Variants in HMG20A observed in about 807,000 individuals in gnomAD.
HMG20A encodes the protein high mobility group protein 20A.
A neutral mutation model predicts 43.9 loss-of-function variants in HMG20A; 17 were observed. The ratio of observed to expected loss-of-function variants is 0.39; its 90% confidence interval spans 0.27 to 0.58. HMG20A has a LOEUF of 0.58. Ranked by LOEUF, HMG20A falls within the 20% of genes least tolerant of loss-of-function variation. The pLI, the probability that HMG20A is intolerant of heterozygous loss-of-function variation, is 0.59. For missense variants in HMG20A, 341 were observed against 438.2 expected, an observed-to-expected ratio of 0.78 and a Z score of 1.98; for synonymous variants, 132 against 147.5, an observed-to-expected ratio of 0.89 and a Z score of 0.76.
At chr15:77,497,674 AGAGAGAGAGT>A in the HMG20A span, among the ~76,000 whole-genome samples, 16 of 128,594 alleles carry the variant, frequency 1.2e-4, no homozygotes, top group African/African-American at 3.3e-4. Flanking sequence ...AGAGAGAGAG[AGAGAGAGAGT>A]GTGTGTGTGT....
chr15:77,482,506 T>G (rs971182106), intron 9 of HMG20A: 1 of 152,210 alleles, frequency 6.6e-6, no homozygotes, highest in African/African-American at 2.4e-5. Context: ...AAAAATCTTA[T>G]GTGACTGTAT....
chr15:77,516,988 G>A, the HMG20A span, among the ~76,000 whole-genome samples: 2 of 152,150 alleles, frequency 1.3e-5, no homozygotes, highest in Non-Finnish European at 2.9e-5. Flanking sequence ...TGGCCTCACC[G>A]TCCCGCACAT....
chr15:77,518,547 C>T, the HMG20A span, among the ~76,000 whole-genome samples: 1 of 152,206 alleles, frequency 6.6e-6, no homozygotes, highest in African/African-American at 2.4e-5. Context: ...ACCATCTGTG[C>T]CCCTCCAGAA....
At chr15:77,460,425 G>A (rs2072694814) in intron 2 of HMG20A, among the ~76,000 whole-genome samples, 1 of 152,154 alleles carries the variant, frequency 6.6e-6, no homozygotes, top group Admixed American at 6.5e-5. Context: ...AACTGAACAA[G>A]TGTGGGAGGG....
chr15:77,477,818 A>G (rs2072869995), intron 7 of HMG20A, among the ~76,000 whole-genome samples, 188 bp downstream of exon 7: 2 of 152,220 alleles, frequency 1.3e-5, no homozygotes, highest in African/African-American at 4.8e-5. Flanking sequence ...AAATAAATGC[A>G]AATCACAAAT....
the HMG20A span, among the ~76,000 whole-genome samples, chr15:77,516,670 G>A: frequency 3.9e-5 from 6 of 152,034 alleles, no homozygotes; most frequent in Non-Finnish European, 5.9e-5. Context: ...TGGTGAGAAG[G>A]GCACTGAACT....
At chr15:77,436,772 T>C (rs562381433) in intron 1 of HMG20A, among the ~76,000 whole-genome samples, 7 of 152,288 alleles carry the variant, frequency 4.6e-5, no homozygotes, top group African/African-American at 1.7e-4. Context: ...GATCCATTCT[T>C]ACACATCTAT....
At chr15:77,506,163 ATAAG>A in the HMG20A span, among the ~76,000 whole-genome samples, 39,757 of 151,616 alleles carry the variant, frequency 0.26, 5,762 homozygotes, top group Non-Finnish European at 0.34. Context: ...ATTTTTTAAT[ATAAG>A]TAAGTATGTC....
chr15:77,516,597 C>A, the HMG20A span, among the ~76,000 whole-genome samples: 1 of 152,136 alleles, frequency 6.6e-6, no homozygotes, highest in African/African-American at 2.4e-5. Context: ...CCCCAAAAGA[C>A]AAACAAACCA....
chr15:77,423,261 T>C (rs959888105), intron 1 of HMG20A, among the ~76,000 whole-genome samples: 1 of 152,132 alleles, frequency 6.6e-6, no homozygotes, highest in Non-Finnish European at 1.5e-5. Context: ...ATTCATTGGT[T>C]CCATCAAAGA....
chr15:77,476,231 C>G (rs1352377753), intron 6 of HMG20A, among the ~76,000 whole-genome samples: 1 of 152,068 alleles, frequency 6.6e-6, no homozygotes, highest in East Asian at 1.9e-4. Flanking sequence ...CCTGTAATCC[C>G]AGCACTTTGG....
At chr15:77,447,349 T>C (rs931969135) in intron 1 of HMG20A, among the ~76,000 whole-genome samples, 1 of 152,226 alleles carries the variant, frequency 6.6e-6, no homozygotes, top group African/African-American at 2.4e-5. Flanking sequence ...CCCTGCGTTA[T>C]CACCGTGCTT....
intron 2 of HMG20A, among the ~76,000 whole-genome samples, chr15:77,459,341 T>A (rs1398650121): frequency 1.3e-5 from 2 of 152,222 alleles, no homozygotes; most frequent in African/African-American, 4.8e-5. Context: ...TATGTGTCAT[T>A]GTTCCAGGCA....
the HMG20A span, among the ~76,000 whole-genome samples, chr15:77,494,036 C>T: frequency 6.6e-6 from 1 of 152,182 alleles, no homozygotes; most frequent in African/African-American, 2.4e-5. Context: ...TCTCCCAGAT[C>T]CTGGCACTGC....
chr15:77,454,308 G>A (rs755561423), intron 1 of HMG20A, among the ~76,000 whole-genome samples: 3 of 152,062 alleles, frequency 2.0e-5, no homozygotes, highest in African/African-American at 4.8e-5. Flanking sequence ...TAGGGTGTTG[G>A]TTGCACAACC....
At chr15:77,509,195 T>C in the HMG20A span, among the ~76,000 whole-genome samples, 3 of 152,226 alleles carry the variant, frequency 2.0e-5, no homozygotes, top group South Asian at 6.2e-4. Flanking sequence ...AGTCAAGGGA[T>C]GGCAGTCCAG....
At chr15:77,487,459 A>T (rs1373314129), downstream of HMG20A, among the ~76,000 whole-genome samples, 3 of 152,138 alleles carry the variant, frequency 2.0e-5, no homozygotes, top group Admixed American at 6.5e-5. Context: ...CTTCCGTGAT[A>T]CTTTTTTCCC....
the HMG20A span, among the ~76,000 whole-genome samples, chr15:77,516,058 G>T: frequency 1.3e-5 from 2 of 152,306 alleles, no homozygotes; most frequent in East Asian, 3.9e-4. Context: ...CACAGAGGGG[G>T]AAAGCCTAAA....
chr15:77,448,705 C>T (rs144176446), intron 1 of HMG20A, among the ~76,000 whole-genome samples: 3 of 152,154 alleles, frequency 2.0e-5, no homozygotes, highest in Non-Finnish European at 4.4e-5. Context: ...ATAGAAAATG[C>T]CCAGGATAGT....
Sources: gnomAD v4.1 joint callset for allele counts (sites outside exome capture counted in the v4.1 genomes callset) on GRCh38, gnomAD v4.1.1 for gene constraint, MANE v1.5 for transcripts, NCBI Gene and HGNC (gene_info 2026-07-23, HGNC 2026-07-21) for gene names.